Variants in ANKIB1 observed in about 807,000 individuals in gnomAD.
ANKIB1 encodes the protein ankyrin repeat and IBR domain-containing protein 1.
ANKIB1 carries 43 observed loss-of-function variants against 122.1 expected under a neutral mutation model. The observed-to-expected ratio is 0.35, with a 90% CI of 0.28 to 0.45. The LOEUF (loss-of-function observed/expected upper bound fraction) is 0.45. Among genes scored for constraint, ANKIB1 ranks in the 20% least tolerant of loss-of-function variants. ANKIB1 has a pLI of 1.00. For missense variants in ANKIB1, 992 were observed against 1,329.5 expected (o/e 0.75, Z 3.95); for synonymous variants, 390 against 442.0 (o/e 0.88, Z 1.48).
At chr7:92,299,285 T>A (rs1467575867) in intron 2 of ANKIB1, among the ~76,000 whole-genome samples, 1 of 152,238 alleles carries the variant, frequency 6.6e-6, no homozygotes, top group Non-Finnish European at 1.5e-5. Flanking sequence ...CTGGAAGATC[T>A]GCGTAACTCA....
At chr7:92,394,268 G>T (rs1008246201) in intron 17 of ANKIB1, among the ~76,000 whole-genome samples, 2 of 152,142 alleles carry the variant, frequency 1.3e-5, no homozygotes, top group Non-Finnish European at 2.9e-5. Flanking sequence ...TTTTCCCTCT[G>T]TAAATCCTAG....
intron 1 of ANKIB1, among the ~76,000 whole-genome samples, chr7:92,261,622 C>T (rs1271110027): frequency 6.6e-6 from 1 of 152,010 alleles, no homozygotes; most frequent in Non-Finnish European, 1.5e-5. Context: ...AATGTTAATA[C>T]CTCTTTCTTC....
chr7:92,379,583 G>C (rs1287091789), intron 11 of ANKIB1, among the ~76,000 whole-genome samples: 1 of 152,084 alleles, frequency 6.6e-6, no homozygotes, highest in African/African-American at 2.4e-5. Flanking sequence ...AGATACGTGG[G>C]AATCTAGTAT....
intron 1 of ANKIB1, among the ~76,000 whole-genome samples, chr7:92,261,205 C>G (rs1461715314): frequency 6.6e-6 from 1 of 151,468 alleles, no homozygotes; most frequent in African/African-American, 2.4e-5. Context: ...AAAAATTAGC[C>G]AGGCGTGGTA....
Position 92,343,060 on chromosome 7 carries a change from C to G in ANKIB1, c.824C>G (p.Ser275Cys), listed in dbSNP as rs762211381. The stretch of plus-strand genomic sequence containing the variant: ...GAGAAATTACTTGAAGCTTGGATGT[C>G]CAACCCGGAGAACTGCTGCCAACGA... ...DREKLLEAWMSNPENCCQRSG... is the reference protein window; with the variant it reads ...DREKLLEAWMCNPENCCQRSG... Residue 275 changes from serine to cysteine, a missense_variant, in exon 6 of 20, where the codon TCC (serine) becomes TGC (cysteine). Ser to Cys is a moderately radical substitution (Grantham distance 112). Coordinates refer to ENST00000265742, the MANE Select transcript of ANKIB1 (RefSeq NM_019004.2). 8 of 1,613,750 alleles carry G rather than the reference C, an allele frequency of 5.0e-6. No individual in the cohort carries two copies. The highest frequency in any genetic ancestry group is 1.7e-5 in the Admixed American group (1 of 59,996).
Position 92,294,959 on chromosome 7 carries a change from C to G in ANKIB1, c.-20C>G. 17 of 1,561,606 alleles carry G rather than the reference C, an allele frequency of 1.1e-5. No individual in the cohort carries two copies. Among genetic ancestry groups the G allele is most frequent in the Non-Finnish European group, 1.5e-5 (17 of 1,151,350 alleles). On this transcript the variant is annotated 5_prime_UTR_variant, in exon 2 of 20. It adds an upstream start codon to the 5' untranslated region. Transcript: ENST00000265742. ...GAAGGAAAAAAGTGCCACTGCCTAT[C>G]AGAAAAAACAAAACAAAACATGGGA...
At chr7:92,354,342 G>A (rs534588483) in intron 9 of ANKIB1, among the ~76,000 whole-genome samples, 1 of 152,252 alleles carries the variant, frequency 6.6e-6, no homozygotes, top group East Asian at 1.9e-4. Flanking sequence ...TATATACCAA[G>A]ATCACGGGCC....
At chr7:92,310,455 C>T (rs765904562) in intron 3 of ANKIB1, among the ~76,000 whole-genome samples, 21 of 151,942 alleles carry the variant, frequency 1.4e-4, no homozygotes, top group Non-Finnish European at 2.6e-4. Flanking sequence ...AACCTTAGGC[C>T]CTTAATGATT....
At chr7:92,257,746 C>T (rs186076651) in intron 1 of ANKIB1, among the ~76,000 whole-genome samples, 316 of 152,322 alleles carry the variant, frequency 2.1e-3, no homozygotes, top group African/African-American at 6.9e-3. Flanking sequence ...GAGCAGAGAT[C>T]GCGCCATTGT....
At chr7:92,251,008 A>G (rs1026564389) in intron 1 of ANKIB1, among the ~76,000 whole-genome samples, 3 of 152,230 alleles carry the variant, frequency 2.0e-5, no homozygotes, top group African/African-American at 7.2e-5. Flanking sequence ...TGAGTTGCTA[A>G]GAAAGTTAAT....
At chr7:92,345,627 T>G (rs149503352) in intron 7 of ANKIB1, among the ~76,000 whole-genome samples, 64 of 152,366 alleles carry the variant, frequency 4.2e-4, no homozygotes, top group African/African-American at 1.3e-3. Flanking sequence ...CACCATCCAT[T>G]AACTTTGCTC....
chr7:92,264,169 T>G (rs1022035230), intron 1 of ANKIB1, among the ~76,000 whole-genome samples: 28 of 151,830 alleles, frequency 1.8e-4, no homozygotes, highest in African/African-American at 4.1e-4. Flanking sequence ...TCGTTTTTTT[T>G]TTTGTTTGTT....
intron 7 of ANKIB1, among the ~76,000 whole-genome samples, chr7:92,346,375 C>A (rs1803540034): frequency 6.6e-6 from 1 of 152,160 alleles, no homozygotes; most frequent in Admixed American, 6.5e-5. Context: ...AAGTGATCCA[C>A]CCACCTCAGT....
At chr7:92,359,227 C>T (rs555159575) in intron 9 of ANKIB1, among the ~76,000 whole-genome samples, 1 of 152,304 alleles carries the variant, frequency 6.6e-6, no homozygotes, top group Non-Finnish European at 1.5e-5. Flanking sequence ...TCCTAGCCCC[C>T]CATCCCCCAA....
intron 9 of ANKIB1, among the ~76,000 whole-genome samples, chr7:92,356,461 C>T (rs1421350013): frequency 2.6e-5 from 4 of 152,166 alleles, no homozygotes; most frequent in African/African-American, 9.7e-5. Context: ...ACTTATTTGG[C>T]AGTTCAATCA....
intron 1 of ANKIB1, among the ~76,000 whole-genome samples, chr7:92,262,221 G>A: frequency 6.6e-6 from 1 of 152,192 alleles, no homozygotes; most frequent in East Asian, 1.9e-4. Context: ...GCAATAGAAT[G>A]TGCTTAATGC....
chr7:92,308,790 C>T (rs1163993835), intron 3 of ANKIB1, among the ~76,000 whole-genome samples: 1 of 152,100 alleles, frequency 6.6e-6, no homozygotes, highest in African/African-American at 2.4e-5. Context: ...TCCATCCTTA[C>T]ATATCTCATA....
chr7:92,283,731 A>C (rs2131905024), intron 1 of ANKIB1, among the ~76,000 whole-genome samples: 1 of 152,280 alleles, frequency 6.6e-6, no homozygotes, highest in East Asian at 1.9e-4. Context: ...TTTTTAAATA[A>C]ATTTAATGTG....
chr7:92,362,760 A>G (rs958540595), intron 10 of ANKIB1, among the ~76,000 whole-genome samples: 5 of 152,224 alleles, frequency 3.3e-5, no homozygotes, highest in Non-Finnish European at 5.9e-5. Context: ...ACTTCTGTAA[A>G]TACATTATCT....
Sources: gnomAD v4.1 joint callset for allele counts (sites outside exome capture counted in the v4.1 genomes callset) on GRCh38, gnomAD v4.1.1 for gene constraint, MANE v1.5 for transcripts, NCBI Gene and HGNC (gene_info 2026-07-23, HGNC 2026-07-21) for gene names.